The following DNAH11 variants were observed in gnomAD, a reference collection of about 807,000 sequenced individuals.
DNAH11 encodes dynein axonemal heavy chain 11.
A neutral mutation model predicts 526.0 loss-of-function variants in DNAH11; 442 were observed. That is an observed-to-expected ratio of 0.84 (90% confidence interval 0.78 to 0.91). The LOEUF (loss-of-function observed/expected upper bound fraction) is 0.91. Ranked by LOEUF, DNAH11 falls within the 40% of genes least tolerant of loss-of-function variation. The pLI, the probability that DNAH11 is intolerant of heterozygous loss-of-function variation, is 0.00. For missense variants in DNAH11, 6,989 were observed against 5,448.7 expected (o/e 1.28, Z -8.90); for synonymous variants, 2,461 against 1,935.9 (o/e 1.27, Z -7.12).
chr7:21,655,854 T>C lies in DNAH11; in HGVS notation c.4967T>C (p.Leu1656Pro). ...PKQVTCHLAK[L>P]FDSIADLQFE... is the part of the protein sequence containing the mutation. ...TAGGTAACATGTCACCTTGCCAAAC[T>C]TTTCGACAGCATTGCAGATCTGCAG... Residue 1656 changes from leucine to proline, a missense_variant, in exon 29 of 82, where the codon CTT becomes CCT. Leu to Pro is a moderately conservative substitution (Grantham distance 98). Transcript: ENST00000409508. The C allele has an allele frequency of 1.9e-6, 3 of 1,613,222 alleles. No homozygotes were observed. Among genetic ancestry groups the C allele is most frequent in the Non-Finnish European group, 2.5e-6 (3 of 1,179,480 alleles).
Position 21,570,005 on chromosome 7 carries a change from G to A in DNAH11, c.1195-64G>A, listed in dbSNP as rs62441676. On this transcript the variant is annotated intron_variant, in intron 6 of 81. Coordinates refer to ENST00000409508, the MANE Select transcript of DNAH11 (RefSeq NM_001277115.2). ...TTTAAAAATGATTCTTTGAAACAGA[G>A]ACGGTTACAGGGAAAAACTGTTAAA... 0.19 allele frequency: 242,011 copies of A among 1,276,792 alleles called. 23,700 individuals carry two copies. Among genetic ancestry groups the A allele is most frequent in the Middle Eastern group, 0.25 (1,335 of 5,262 alleles). 79.1% of individuals were successfully genotyped at this position (1,276,792 alleles called of 1,614,324 possible).
chr7:21,735,721 C>A lies in DNAH11; in HGVS notation c.7522C>A (p.Leu2508Ile). The A allele has an allele frequency of 4.3e-6, 7 of 1,613,890 alleles. No individual in the cohort carries two copies. Among genetic ancestry groups the A allele is most frequent in the Non-Finnish European group, 5.9e-6 (7 of 1,179,866 alleles). ...LLLEKGKPLM[L>I]VGNAGVGKTV... ...GCTTGAGAAAGGAAAACCTCTAATGCTAGTAGGAAATGCAGGAGTGGGAAA... is the reference window on the plus strand; with the variant it reads ...GCTTGAGAAAGGAAAACCTCTAATGATAGTAGGAAATGCAGGAGTGGGAAA... Residue 2508 changes from leucine (L) to isoleucine (I), a missense_variant, in exon 46 of 82, where the codon CTA (leucine) becomes ATA (isoleucine). Leu to Ile is a conservative substitution (Grantham distance 5). Transcript: ENST00000409508.
rs1788247325 is a variant in DNAH11 at position 21,787,581 on chromosome 7, G to A, written c.9922G>A (p.Glu3308Lys). ...AWVINIIKFY[E>K]VYCDVEPKRQ... ...GGTCATCAACATCATTAAATTCTAT[G>A]AGGTATCAATCCTAAATTGATTGTT... is the stretch of plus-strand genomic sequence containing the variant. The change falls in exon 60 of 82, where the codon GAG (glutamate) becomes AAG (lysine). Residue 3308 changes from glutamate (E) to lysine (K), a missense_variant and splice_region_variant. Coordinates refer to ENST00000409508, the MANE Select transcript of DNAH11 (RefSeq NM_001277115.2). The A allele has an allele frequency of 6.2e-7, 1 of 1,607,972 alleles. No homozygotes were observed. Among genetic ancestry groups the A allele is most frequent in the Non-Finnish European group, 8.5e-7 (1 of 1,177,098 alleles).
At chr7:21,567,689 T>C (rs1443791076) in intron 6 of DNAH11, among the ~76,000 whole-genome samples, 2 of 152,234 alleles carry the variant, frequency 1.3e-5, no homozygotes, top group Non-Finnish European at 2.9e-5. Flanking sequence ...TCAGTTTCAT[T>C]ACATGCTTGA....
chr7:21,656,679 T>C (rs1437048005), intron 29 of DNAH11, among the ~76,000 whole-genome samples: 2 of 152,154 alleles, frequency 1.3e-5, no homozygotes, highest in African/African-American at 2.4e-5. Flanking sequence ...GAGTAACTGA[T>C]GGAATAGTGT....
rs764613986 is a variant in DNAH11, at chr7:21,600,995, T to A, written c.3256-15T>A. The A allele has an allele frequency of 1.2e-6, 2 of 1,609,952 alleles. No homozygotes were observed. The highest frequency in any genetic ancestry group is 2.2e-5 in the South Asian group (2 of 89,754). ...TTTCACTGAGTTGTTCTAATTAATC[T>A]TTTTCTCACTACAGATTGACATTTA... On this transcript the variant is annotated splice_polypyrimidine_tract_variant and intron_variant, in intron 16 of 81. Coordinates refer to ENST00000409508, the MANE Select transcript of DNAH11 (RefSeq NM_001277115.2).
chr7:21,619,278 G>C lies in DNAH11; in HGVS notation c.4377+56G>C, dbSNP rs1023059848. 6 of 1,572,022 alleles carry C rather than the reference G, an allele frequency of 3.8e-6. No homozygotes were observed. The African/African-American group carries it at 8.2e-5, about 21-fold the overall frequency. On this transcript the variant is annotated intron_variant, in intron 24 of 81. Coordinates refer to ENST00000409508, the MANE Select transcript of DNAH11 (RefSeq NM_001277115.2). ...TTGGCTAATTTTGGGTATTTGCATA[G>C]AAGCCAACTTAGAGAAAAGTCCTTT... is the stretch of plus-strand genomic sequence containing the variant.
intron 73 of DNAH11, among the ~76,000 whole-genome samples, chr7:21,872,263 C>G (rs150665504): frequency 0.03 from 4,575 of 151,300 alleles, 103 homozygotes; most frequent in South Asian, 0.098. Context: ...TTTGGGGGTG[C>G]ATAATTCTGC....
chr7:21,724,903 G>A (rs748358051), intron 44 of DNAH11, among the ~76,000 whole-genome samples: 14 of 149,592 alleles, frequency 9.4e-5, no homozygotes, highest in South Asian at 4.3e-4. Context: ...TTATCCTATG[G>A]ATATAGGAGT....
intron 20 of DNAH11, among the ~76,000 whole-genome samples, chr7:21,608,553 C>A (rs1785393299): frequency 1.3e-5 from 2 of 152,144 alleles, no homozygotes; most frequent in Admixed American, 1.3e-4. Flanking sequence ...CAGAAAACAC[C>A]ATTCTATAGC....
At chr7:21,790,923 A>G (rs1462801096) in intron 61 of DNAH11, among the ~76,000 whole-genome samples, 1 of 152,244 alleles carries the variant, frequency 6.6e-6, no homozygotes, top group African/African-American at 2.4e-5. Flanking sequence ...AAAGATTTTA[A>G]CAAGTTAATG....
At chr7:21,616,031 T>C (rs1410908317) in intron 21 of DNAH11, among the ~76,000 whole-genome samples, 178 bp from the exon 22 acceptor site, 2 of 152,234 alleles carry the variant, frequency 1.3e-5, no homozygotes, top group Non-Finnish European at 1.5e-5. Flanking sequence ...GCTTGACGTG[T>C]TCTGACAACT....
chr7:21,817,369 C>T (rs1027120387), intron 64 of DNAH11, among the ~76,000 whole-genome samples: 1 of 152,038 alleles, frequency 6.6e-6, no homozygotes, highest in Admixed American at 6.6e-5. Flanking sequence ...TAAGAAATTT[C>T]TGTAGTTATA....
At chr7:21,556,287 C>T (rs576710537) in intron 2 of DNAH11, among the ~76,000 whole-genome samples, 14 of 152,278 alleles carry the variant, frequency 9.2e-5, no homozygotes, top group African/African-American at 3.4e-4. Context: ...CATCTGCAGG[C>T]TGGCTGCCAG....
intron 14 of DNAH11, among the ~76,000 whole-genome samples, chr7:21,595,411 G>A (rs1013831580): frequency 2.6e-5 from 4 of 152,240 alleles, no homozygotes; most frequent in African/African-American, 9.6e-5. Flanking sequence ...TGCTGGACCA[G>A]GGTGGTAGCA....
At chr7:21,722,814 A>C (rs1326877214) in intron 44 of DNAH11, among the ~76,000 whole-genome samples, 1 of 151,122 alleles carries the variant, frequency 6.6e-6, no homozygotes, top group Non-Finnish European at 1.5e-5. Flanking sequence ...CTTCTCCACC[A>C]GGTATTTCTT....
At chr7:21,604,224 A>T (rs1360326186) in intron 18 of DNAH11, among the ~76,000 whole-genome samples, 1 of 152,022 alleles carries the variant, frequency 6.6e-6, no homozygotes, top group Non-Finnish European at 1.5e-5. Flanking sequence ...AGTCATGAGG[A>T]CTCACCACCA....
chr7:21,772,258 C>T (rs1360176464), intron 55 of DNAH11, among the ~76,000 whole-genome samples: 1 of 152,120 alleles, frequency 6.6e-6, no homozygotes, highest in Non-Finnish European at 1.5e-5. Flanking sequence ...ACAAATGAAA[C>T]TGTTGTTAAA....
At chr7:21,610,543 G>T (rs1785480326) in intron 20 of DNAH11, among the ~76,000 whole-genome samples, 2 of 152,150 alleles carry the variant, frequency 1.3e-5, no homozygotes. Context: ...ATAAGAGTCA[G>T]TTGAAAGAAA....
Sources: gnomAD v4.1 joint callset for allele counts (sites outside exome capture counted in the v4.1 genomes callset) on GRCh38, gnomAD v4.1.1 for gene constraint, MANE v1.5 for transcripts, NCBI Gene and HGNC (gene_info 2026-07-23, HGNC 2026-07-21) for gene names.